GTF2A1: variants seen among roughly 807,000 people sequenced by gnomAD.
The protein encoded by GTF2A1 is general transcription factor IIA subunit 1.
A neutral mutation model predicts 54.1 loss-of-function variants in GTF2A1; 12 were observed. The observed-to-expected ratio is 0.22, with a 90% CI of 0.14 to 0.36. The LOEUF (loss-of-function observed/expected upper bound fraction) is 0.36, where lower values mean the gene tolerates loss of function less well. Ranked by LOEUF, GTF2A1 falls within the 10% of genes least tolerant of loss-of-function variation. The probability of loss-of-function intolerance (pLI) is 1.00; values close to 1 mark genes in which losing one functional copy is unlikely to be tolerated. For missense variants in GTF2A1, 335 were observed against 442.2 expected, an observed-to-expected ratio of 0.76 and a Z score of 2.17; for synonymous variants, 145 against 152.0, an observed-to-expected ratio of 0.95 and a Z score of 0.34.
chr14:81,221,120 G>A (rs1343743190), upstream of GTF2A1: 1 of 152,338 alleles, frequency 6.6e-6, no homozygotes, highest in Non-Finnish European at 1.5e-5. Context: ...GCGGAGCCCG[G>A]GGAGTGAAGT....
intron 7 of GTF2A1, 91 bp downstream of exon 7, chr14:81,192,427 TG>T: frequency 1.0e-6 from 1 of 970,788 alleles, no homozygotes. Flanking sequence ...TAACAGTCTC[TG>T]AAAAAAACAG....
chr14:81,183,904 AC>A (rs1165629027), intron 8 of GTF2A1, among the ~76,000 whole-genome samples: 3 of 152,138 alleles, frequency 2.0e-5, no homozygotes, highest in African/African-American at 7.2e-5. Context: ...ACAATATCCA[AC>A]CTCATTTTGC....
chr14:81,215,256 A>C (rs1893462201), intron 2 of GTF2A1, among the ~76,000 whole-genome samples: 1 of 152,220 alleles, frequency 6.6e-6, no homozygotes, highest in Non-Finnish European at 1.5e-5. Context: ...AGTATACATA[A>C]AGCATTTCTG....
chr14:81,181,911 C>A (rs1892647441), intron 8 of GTF2A1, among the ~76,000 whole-genome samples: 1 of 152,200 alleles, frequency 6.6e-6, no homozygotes, highest in Non-Finnish European at 1.5e-5. Flanking sequence ...AAACATTCTT[C>A]ATGACATATT....
chr14:81,185,673 G>GAA, intron 7 of GTF2A1, 53 bp from the exon 8 acceptor site: 16 of 823,258 alleles, frequency 1.9e-5, no homozygotes, highest in East Asian at 2.8e-5. Flanking sequence ...AATATTCACT[G>GAA]AAAAAAAAAA....
chr14:81,220,458 G>GC (rs1374466074), intron 1 of GTF2A1, 31 bp downstream of exon 1: 9 of 1,523,942 alleles, frequency 5.9e-6, no homozygotes, highest in Non-Finnish European at 8.0e-6. Flanking sequence ...CCTGAACGAA[G>GC]CCCCCGCCGG....
intron 7 of GTF2A1, among the ~76,000 whole-genome samples, chr14:81,185,913 T>C (rs1265785555): frequency 6.6e-6 from 1 of 152,198 alleles, no homozygotes; most frequent in African/African-American, 2.4e-5. Flanking sequence ...GCCAGGCTGG[T>C]GCAATCTCGG....
intron 7 of GTF2A1, among the ~76,000 whole-genome samples, chr14:81,191,053 A>C (rs1892864870): frequency 6.6e-6 from 1 of 152,198 alleles, no homozygotes; most frequent in African/African-American, 2.4e-5. Context: ...CTCAATAAGC[A>C]CTTCTATACA....
chr14:81,214,114 T>C (rs1397558185), intron 2 of GTF2A1, among the ~76,000 whole-genome samples: 1 of 152,178 alleles, frequency 6.6e-6, no homozygotes, highest in Non-Finnish European at 1.5e-5. Context: ...AAGTTTCCTG[T>C]AGATACCTAT....
rs1163942797 is a variant in GTF2A1, at chr14:81,220,865, G to A, written c.-347C>T. 2 of 272,352 alleles carry A rather than the reference G, an allele frequency of 7.3e-6. No homozygotes were observed. The highest frequency in any genetic ancestry group is 1.4e-5 in the Non-Finnish European group (2 of 145,550). 16.9% of individuals were successfully genotyped at this position (272,352 alleles called of 1,614,324 possible). On this transcript the variant is annotated 5_prime_UTR_variant, in exon 1 of 9. Coordinates refer to ENST00000553612, the MANE Select transcript of GTF2A1 (RefSeq NM_015859.4). ...GCCGCCGCTGCCGCCACCGGCTGCAGCTCCAGCCGTCCGGTCCGCCCGCTT... is the reference window on the plus strand; with the variant it reads ...GCCGCCGCTGCCGCCACCGGCTGCAACTCCAGCCGTCCGGTCCGCCCGCTT...
chr14:81,196,059 A>C, intron 6 of GTF2A1, 49 bp downstream of exon 6: 2 of 1,552,982 alleles, frequency 1.3e-6, no homozygotes, highest in Non-Finnish European at 1.8e-6. Context: ...GGGAATACAT[A>C]CAGAATAAAA....
chr14:81,206,667 T>C (rs947515646), intron 2 of GTF2A1, among the ~76,000 whole-genome samples: 54 of 152,324 alleles, frequency 3.5e-4, no homozygotes, highest in African/African-American at 1.2e-3. Flanking sequence ...TATGCTAAAG[T>C]GAGAACCGCT....
chr14:81,210,598 G>A (rs901248776), intron 2 of GTF2A1, among the ~76,000 whole-genome samples: 3 of 151,856 alleles, frequency 2.0e-5, no homozygotes, highest in Non-Finnish European at 2.9e-5. Flanking sequence ...TTTGTTGTCC[G>A]GGCTGGAGTG....
chr14:81,180,418 T>TAC, intron 8 of GTF2A1, 88 bp from the exon 9 acceptor site: 4 of 672,368 alleles, frequency 5.9e-6, no homozygotes, highest in Admixed American at 2.4e-5. Flanking sequence ...CACACACACG[T>TAC]ACACACACAC....
At position 81,179,018 on chromosome 14, in the gene GTF2A1, A is replaced by C. The variant is rs1892585927; in HGVS notation, c.*1205T>G. On this transcript the variant is annotated 3_prime_UTR_variant, in exon 9 of 9. Transcript: ENST00000553612. ...AGTCAAATTTCTATGCTTTCTTCCC[A>C]ATGTGCAAACTGGAGCCAACGTCTT... is the stretch of plus-strand genomic sequence containing the variant. 1 of 152,200 alleles carries C rather than the reference A, an allele frequency of 6.6e-6. No homozygotes were observed. Among genetic ancestry groups the C allele is most frequent in the South Asian group, 2.1e-4 (1 of 4,830 alleles). The allele number at this position is 152,200 out of a possible 1,614,324, so 9.4% of individuals were successfully genotyped here.
chr14:81,202,826 C>A (rs984628735), intron 3 of GTF2A1: 1 of 506,688 alleles, frequency 2.0e-6, no homozygotes, highest in Non-Finnish European at 3.9e-6. Flanking sequence ...ACAGGAAGAA[C>A]AGTCATCAAA....
intron 7 of GTF2A1, among the ~76,000 whole-genome samples, chr14:81,186,257 T>A (rs1316214935): frequency 6.6e-6 from 1 of 152,232 alleles, no homozygotes. Context: ...TCAAAAGAGC[T>A]AATGGCACTA....
chr14:81,220,414 TC>T (rs1215757247), intron 1 of GTF2A1, 74 bp downstream of exon 1: 2 of 1,049,802 alleles, frequency 1.9e-6, no homozygotes, highest in East Asian at 3.2e-5. Context: ...GTCGCCGCCG[TC>T]CCCGCCCCCG....
chr14:81,180,993 A>G (rs1404910411), intron 8 of GTF2A1, among the ~76,000 whole-genome samples: 1 of 152,238 alleles, frequency 6.6e-6, no homozygotes, highest in Admixed American at 6.5e-5. Context: ...AGAGTTCTCA[A>G]GACCTAACTA....
Sources: gnomAD v4.1 joint callset for allele counts (sites outside exome capture counted in the v4.1 genomes callset) on GRCh38, gnomAD v4.1.1 for gene constraint, MANE v1.5 for transcripts, NCBI Gene and HGNC (gene_info 2026-07-23, HGNC 2026-07-21) for gene names.